UBE3D: variants seen among roughly 807,000 people sequenced by gnomAD.
UBE3D encodes the protein ubiquitin protein ligase E3D, also known as E3 ubiquitin-protein ligase E3D.
Under a neutral mutation model 49.6 loss-of-function variants are expected in UBE3D, and 48 were observed. The observed-to-expected ratio is 0.97, with a 90% confidence interval of 0.77 to 1.23. The LOEUF (loss-of-function observed/expected upper bound fraction) is 1.23. UBE3D is among the 50% of genes most tolerant of loss of function. UBE3D has a pLI of 0.00. For synonymous variants in UBE3D, 189 were observed against 174.2 expected (o/e 1.08, Z -0.67); for missense variants, 452 against 468.4 (o/e 0.96, Z 0.32).
At chr6:82,977,987 C>T (rs572058476) in intron 8 of UBE3D, among the ~76,000 whole-genome samples, 2 of 152,254 alleles carry the variant, frequency 1.3e-5, no homozygotes, top group African/African-American at 2.4e-5. Flanking sequence ...AGCTCCAGCT[C>T]TTCCGCTGGG....
chr6:83,051,817 G>A (rs2127836892), intron 3 of UBE3D, among the ~76,000 whole-genome samples: 1 of 152,326 alleles, frequency 6.6e-6, no homozygotes, highest in South Asian at 2.1e-4. Flanking sequence ...CAGTCACTCT[G>A]AGGATCCTCC....
rs544605804 is a variant in UBE3D, at chr6:83,056,496, C to T, written c.274+1330G>A. On this transcript the variant is annotated intron_variant, in intron 2 of 9. Coordinates refer to ENST00000369747, the MANE Select transcript of UBE3D (RefSeq NM_198920.3). ...GAGTCTACTTCCCAGCTCGGTGACC[C>T]TAACCTTCTTGCTATGGTTATTCCA... 2.6e-4 allele frequency among the ~76,000 whole-genome samples: 39 copies of T among 152,276 alleles called. No homozygotes were observed. The South Asian group carries it at 7.7e-3, about 30-fold the overall frequency.
At chr6:82,912,218 C>G (rs1393314394) in intron 9 of UBE3D, among the ~76,000 whole-genome samples, 1 of 151,822 alleles carries the variant, frequency 6.6e-6, no homozygotes, top group Non-Finnish European at 1.5e-5. Context: ...TTTCATTTTT[C>G]ACAGAATATG....
intron 6 of UBE3D, among the ~76,000 whole-genome samples, chr6:83,023,621 A>G (rs1781252503): frequency 6.6e-6 from 1 of 152,366 alleles, no homozygotes; most frequent in East Asian, 1.9e-4. Flanking sequence ...TTCTAAGTGA[A>G]GTAACTCAGG....
At chr6:82,984,877 T>A (rs1321121644) in intron 8 of UBE3D, among the ~76,000 whole-genome samples, 5 of 151,842 alleles carry the variant, frequency 3.3e-5, no homozygotes, top group Non-Finnish European at 5.9e-5. Context: ...CAGTGGTGAT[T>A]ATGGCTCCCT....
intron 9 of UBE3D, among the ~76,000 whole-genome samples, chr6:82,919,830 T>C (rs1219680400): frequency 6.6e-6 from 1 of 152,200 alleles, no homozygotes; most frequent in East Asian, 1.9e-4. Context: ...CTGATGGACC[T>C]GGTTACTTTA....
intron 4 of UBE3D, 70 bp downstream of exon 4, chr6:83,044,358 G>C (rs1782877014): frequency 6.8e-7 from 1 of 1,462,100 alleles, no homozygotes; most frequent in East Asian, 2.3e-5. Flanking sequence ...CCCTTAATTA[G>C]GAAAAGATTG....
chr6:82,928,053 A>C (rs918576622), intron 9 of UBE3D, among the ~76,000 whole-genome samples: 2 of 152,072 alleles, frequency 1.3e-5, no homozygotes, highest in African/African-American at 4.8e-5. Flanking sequence ...TTTAGGTGGT[A>C]AGAATGTGTC....
intron 9 of UBE3D, among the ~76,000 whole-genome samples, chr6:82,911,770 C>T (rs145387157): frequency 1.3e-3 from 200 of 152,188 alleles, no homozygotes; most frequent in African/African-American, 4.5e-3. Context: ...AGGATTAGGA[C>T]GGGGGATCAC....
chr6:82,935,148 AG>A (rs1297499764), intron 9 of UBE3D, among the ~76,000 whole-genome samples: 2 of 150,872 alleles, frequency 1.3e-5, no homozygotes, highest in Non-Finnish European at 2.9e-5. Context: ...CTTGGCTTCT[AG>A]GGAGTCTTCA....
chr6:82,899,282 T>C (rs1205906538), intron 9 of UBE3D, among the ~76,000 whole-genome samples: 2 of 152,106 alleles, frequency 1.3e-5, no homozygotes, highest in Non-Finnish European at 2.9e-5. Context: ...TCCCTCCAAA[T>C]TGGCAACAAT....
chr6:83,016,684 AAT>A, intron 8 of UBE3D, among the ~76,000 whole-genome samples: 1 of 151,220 alleles, frequency 6.6e-6, no homozygotes, highest in South Asian at 2.1e-4. Context: ...TTCATATATA[AAT>A]ATATAAATCT....
intron 9 of UBE3D, among the ~76,000 whole-genome samples, chr6:82,904,178 A>G (rs1215005839): frequency 6.6e-6 from 1 of 152,144 alleles, no homozygotes; most frequent in Non-Finnish European, 1.5e-5. Flanking sequence ...AGGTTTTTGG[A>G]AACTGTGACT....
intron 9 of UBE3D, among the ~76,000 whole-genome samples, chr6:82,907,169 T>G (rs1356238498): frequency 1.3e-5 from 2 of 152,182 alleles, no homozygotes; most frequent in African/African-American, 4.8e-5. Context: ...CACTGCCTTA[T>G]GTGGGGACAG....
At chr6:82,982,252 T>C (rs890760515) in intron 8 of UBE3D, among the ~76,000 whole-genome samples, 3 of 152,192 alleles carry the variant, frequency 2.0e-5, no homozygotes, top group African/African-American at 4.8e-5. Context: ...TCATCTATTA[T>C]ACATAATACT....
intron 3 of UBE3D, among the ~76,000 whole-genome samples, chr6:83,045,125 T>C (rs1013339369): frequency 6.6e-6 from 1 of 152,208 alleles, no homozygotes; most frequent in Non-Finnish European, 1.5e-5. Flanking sequence ...CTGTGATGAA[T>C]GTTCCTGTTA....
chr6:82,925,492 T>A (rs555266555), intron 9 of UBE3D, among the ~76,000 whole-genome samples: 2 of 152,274 alleles, frequency 1.3e-5, no homozygotes, highest in East Asian at 3.9e-4. Flanking sequence ...AGGATTACCT[T>A]CAGATGTAAG....
chr6:82,953,505 C>T (rs1211370968), intron 9 of UBE3D, among the ~76,000 whole-genome samples: 1 of 152,192 alleles, frequency 6.6e-6, no homozygotes, highest in Non-Finnish European at 1.5e-5. Context: ...AGGGCTGCTG[C>T]TTCTGCCCTG....
intron 9 of UBE3D, among the ~76,000 whole-genome samples, chr6:82,947,748 C>G (rs986023391): frequency 1.3e-5 from 2 of 151,926 alleles, no homozygotes; most frequent in African/African-American, 4.8e-5. Flanking sequence ...TGGAAATTAA[C>G]AATATGCTCC....
Sources: gnomAD v4.1 joint callset for allele counts (sites outside exome capture counted in the v4.1 genomes callset) on GRCh38, gnomAD v4.1.1 for gene constraint, MANE v1.5 for transcripts, NCBI Gene and HGNC (gene_info 2026-07-23, HGNC 2026-07-21) for gene names.